The following ADAMTS17 variants were observed in gnomAD, a reference collection of about 807,000 sequenced individuals.
The protein encoded by ADAMTS17 is A disintegrin and metalloproteinase with thrombospondin motifs 17.
ADAMTS17 carries 113 observed loss-of-function variants against 141.5 expected under a neutral mutation model. The ratio of observed to expected loss-of-function variants is 0.80; its 90% CI spans 0.69 to 0.93. ADAMTS17 has a LOEUF of 0.93. Among genes scored for constraint, ADAMTS17 ranks in the 40% least tolerant of loss-of-function variants. The pLI is 0.00. For missense variants in ADAMTS17, 1,659 were observed against 1,517.9 expected (o/e 1.09, Z -1.54); for synonymous variants, 768 against 630.6 (o/e 1.22, Z -3.27).
rs11325623 is a variant in ADAMTS17, at chr15:100,082,385, CTT to C, written c.2137+13969_2137+13970del. 4.9e-4 allele frequency among the ~76,000 whole-genome samples: 71 copies of C among 143,934 alleles called. 1 individual carries two copies. The highest frequency in any genetic ancestry group is 1.2e-3 in the African/African-American group (48 of 39,250). The allele number at this position is 143,934 out of a possible 152,430, so 94.4% of individuals were successfully genotyped here. A position where few individuals can be genotyped will look rare whatever the true frequency, so the allele number is the denominator to read the frequency against. On this transcript the variant is annotated intron_variant, in intron 15 of 21. Coordinates refer to ENST00000268070, the MANE Select transcript of ADAMTS17 (RefSeq NM_139057.4). Reference sequence around the variant, plus strand: ...GGCCTTATTGCATGGTTTTGATAGTCTTTTTTTTTTTTTGAGACAGGGTCTCA... The same window carrying C: ...GGCCTTATTGCATGGTTTTGATAGTCTTTTTTTTTTTGAGACAGGGTCTCA...
At chr15:100,209,251 C>G (rs554629706) in intron 7 of ADAMTS17, among the ~76,000 whole-genome samples, 37 of 151,776 alleles carry the variant, frequency 2.4e-4, no homozygotes, top group Non-Finnish European at 3.8e-4. Flanking sequence ...AACCTCGGGA[C>G]AAGGGTAAGC....
intron 12 of ADAMTS17, among the ~76,000 whole-genome samples, chr15:100,124,199 C>G (rs547404870): frequency 6.6e-6 from 1 of 152,254 alleles, no homozygotes; most frequent in East Asian, 1.9e-4. Flanking sequence ...CTCCTGGCCT[C>G]AGGTGATCCA....
intron 15 of ADAMTS17, among the ~76,000 whole-genome samples, chr15:100,086,773 A>G (rs554866867): frequency 4.7e-4 from 70 of 149,246 alleles, no homozygotes; most frequent in African/African-American, 1.8e-3. Context: ...GGCAGAAATA[A>G]AGAGGTTCTT....
chr15:100,146,617 C>G (rs974890438), intron 10 of ADAMTS17, among the ~76,000 whole-genome samples: 4 of 134,226 alleles, frequency 3.0e-5, no homozygotes, highest in Non-Finnish European at 6.7e-5. Context: ...AGCAATTGTT[C>G]AGGGAATAAG....
At chr15:99,988,490 A>T (rs988297226) in intron 20 of ADAMTS17, among the ~76,000 whole-genome samples, 2 of 152,188 alleles carry the variant, frequency 1.3e-5, no homozygotes, top group Non-Finnish European at 2.9e-5. Flanking sequence ...CCTCTTTATC[A>T]ATGATCCAGT....
chr15:100,084,590 C>A (rs924897240), intron 15 of ADAMTS17, among the ~76,000 whole-genome samples: 1 of 152,198 alleles, frequency 6.6e-6, no homozygotes, highest in Non-Finnish European at 1.5e-5. Context: ...GGGAGGCACC[C>A]CCCTGTAGGG....
chr15:100,064,095 C>A (rs936072421), intron 15 of ADAMTS17, among the ~76,000 whole-genome samples: 7 of 151,634 alleles, frequency 4.6e-5, no homozygotes, highest in African/African-American at 1.7e-4. Context: ...TAGGCCTAAT[C>A]CAAAATGACT....
intron 8 of ADAMTS17, among the ~76,000 whole-genome samples, chr15:100,198,257 AATAGAAT>A (rs2041195375): frequency 6.6e-6 from 1 of 152,264 alleles, no homozygotes. Flanking sequence ...AAAGTGAATT[AATAGAAT>A]ATAAACTCAT....
intron 12 of ADAMTS17, among the ~76,000 whole-genome samples, chr15:100,118,740 C>T (rs1442500528): frequency 6.6e-6 from 1 of 152,062 alleles, no homozygotes; most frequent in African/African-American, 2.4e-5. Context: ...AGGGCTGGCC[C>T]CCAAAAGCCA....
chr15:100,184,345 A>G (rs181935738), intron 8 of ADAMTS17, among the ~76,000 whole-genome samples: 5 of 152,294 alleles, frequency 3.3e-5, no homozygotes, highest in African/African-American at 1.2e-4. Flanking sequence ...GGGAGAGGAA[A>G]AGAAAATCCA....
intron 13 of ADAMTS17, 111 bp from the exon 14 acceptor site, chr15:100,109,227 G>T: frequency 8.3e-7 from 1 of 1,203,790 alleles, no homozygotes; most frequent in Non-Finnish European, 1.1e-6. Flanking sequence ...GTCCGCACAG[G>T]TCAGTAAAGG....
intron 2 of ADAMTS17, among the ~76,000 whole-genome samples, chr15:100,333,575 T>C (rs77073133): frequency 0.015 from 2,288 of 152,326 alleles, 57 homozygotes; most frequent in African/African-American, 0.051. Flanking sequence ...ACCTACTGCC[T>C]TGATTCCATG....
chr15:100,290,573 AAAG>A (rs2142121046), intron 3 of ADAMTS17, among the ~76,000 whole-genome samples: 1 of 152,338 alleles, frequency 6.6e-6, no homozygotes, highest in East Asian at 1.9e-4. Context: ...CAAAAAGAAC[AAAG>A]AAGGAGGCAT....
At chr15:100,142,069 A>G (rs2038683019) in intron 10 of ADAMTS17, among the ~76,000 whole-genome samples, 2 of 152,198 alleles carry the variant, frequency 1.3e-5, no homozygotes, top group Admixed American at 1.3e-4. Context: ...AGCTGTACGG[A>G]AAGACAGATA....
Position 100,218,796 on chromosome 15 carries a change from C to T in ADAMTS17, c.1076-19373G>A, listed in dbSNP as rs547656501. ...CATGAATATTTATGGAAACATTGTTCACAATATCAAAAAAATGGGAAGAAC... is the reference window on the plus strand; with the variant it reads ...CATGAATATTTATGGAAACATTGTTTACAATATCAAAAAAATGGGAAGAAC... On this transcript the variant is annotated intron_variant, in intron 7 of 21. Transcript: ENST00000268070. 1.1e-4 allele frequency among the ~76,000 whole-genome samples: 17 copies of T among 151,196 alleles called. 1 individual carries two copies. In the East Asian group the frequency reaches 3.3e-3, roughly 29 times the overall value.
intron 2 of ADAMTS17, among the ~76,000 whole-genome samples, chr15:100,332,071 C>T (rs2046070245): frequency 1.3e-5 from 2 of 152,136 alleles, no homozygotes; most frequent in African/African-American, 4.8e-5. Context: ...TCTTGCGTCC[C>T]CAAGATACAG....
chr15:100,091,266 C>T lies in ADAMTS17; in HGVS notation c.2137+5090G>A, dbSNP rs369708210. Reference sequence around the variant, plus strand: ...GATGTGGATGCCAGATACCACCACACTGCCGAAGCATGAAGAATAATTATG... The same window carrying T: ...GATGTGGATGCCAGATACCACCACATTGCCGAAGCATGAAGAATAATTATG... On this transcript the variant is annotated intron_variant, in intron 15 of 21. Transcript: ENST00000268070. Among the ~76,000 whole-genome samples, 120 of 152,196 alleles carry T rather than the reference C, an allele frequency of 7.9e-4. 1 individual carries two copies. The South Asian group carries it at 0.025, about 31-fold the overall frequency.
At chr15:100,044,520 A>C (rs4965271) in intron 18 of ADAMTS17, among the ~76,000 whole-genome samples, 52,682 of 152,074 alleles carry the variant, frequency 0.35, 10,674 homozygotes, top group African/African-American at 0.55. Context: ...TGTAGAGTAT[A>C]TCTTTGTTGC....
chr15:100,075,497 T>C (rs1438826239), intron 15 of ADAMTS17, among the ~76,000 whole-genome samples: 1 of 152,228 alleles, frequency 6.6e-6, no homozygotes, highest in Non-Finnish European at 1.5e-5. Context: ...GGCTGTTGTA[T>C]GAGTGGCTCC....
Sources: allele counts gnomAD v4.1 joint callset (sites outside exome capture counted in the v4.1 genomes callset), GRCh38; gene constraint gnomAD v4.1.1; transcripts MANE v1.5; gene names NCBI Gene and HGNC (gene_info 2026-07-23, HGNC 2026-07-21).